SUSD4: variants seen among roughly 807,000 people sequenced by gnomAD.
SUSD4 encodes sushi domain containing 4.
SUSD4 carries 41 observed loss-of-function variants against 50.5 expected under a neutral mutation model. The ratio of observed to expected loss-of-function variants is 0.81; its 90% CI spans 0.63 to 1.05. The LOEUF is 1.05. Among genes scored for constraint, SUSD4 ranks in the 50% least tolerant of loss-of-function variants. The pLI is 0.00. For synonymous variants in SUSD4, 257 were observed against 257.3 expected (o/e 1.00, Z 0.01); for missense variants, 580 against 634.7 (o/e 0.91, Z 0.93).
At chr1:223,280,953 A>G (rs1279948258) in intron 3 of SUSD4, among the ~76,000 whole-genome samples, 3 of 152,228 alleles carry the variant, frequency 2.0e-5, no homozygotes, top group Non-Finnish European at 4.4e-5. Context: ...CTGCTCAACT[A>G]CATGGAAACT....
At chr1:223,356,809 A>C (rs1182938375) in intron 2 of SUSD4, among the ~76,000 whole-genome samples, 3 of 152,242 alleles carry the variant, frequency 2.0e-5, no homozygotes, top group Non-Finnish European at 4.4e-5. Flanking sequence ...AACAACAAAA[A>C]AAGGCAGAAA....
chr1:223,352,485 C>G (rs1041751107), intron 2 of SUSD4, among the ~76,000 whole-genome samples: 5 of 152,208 alleles, frequency 3.3e-5, no homozygotes, highest in African/African-American at 1.2e-4. Flanking sequence ...AAATCAGGCC[C>G]TGGCATTCCA....
At chr1:223,341,914 T>C (rs183959296) in intron 2 of SUSD4, among the ~76,000 whole-genome samples, 7 of 152,134 alleles carry the variant, frequency 4.6e-5, no homozygotes, top group Admixed American at 3.9e-4. Context: ...GTTAAGTAAC[T>C]TCTCGGGGCC....
At chr1:223,291,366 G>A (rs1664476860) in intron 3 of SUSD4, among the ~76,000 whole-genome samples, 2 of 151,660 alleles carry the variant, frequency 1.3e-5, no homozygotes, top group South Asian at 2.1e-4. Flanking sequence ...GGTGGCGAAC[G>A]CAGGTAGTCC....
chr1:223,331,825 G>C (rs148972327), intron 2 of SUSD4, among the ~76,000 whole-genome samples: 1 of 152,174 alleles, frequency 6.6e-6, no homozygotes, highest in Non-Finnish European at 1.5e-5. Flanking sequence ...TAAGGAAGAC[G>C]TGTGTTCTCC....
intron 2 of SUSD4, among the ~76,000 whole-genome samples, chr1:223,311,200 C>T (rs1408740892): frequency 6.6e-6 from 1 of 152,234 alleles, no homozygotes; most frequent in Non-Finnish European, 1.5e-5. Flanking sequence ...TGAACCATTA[C>T]ATCCTATCTG....
At chr1:223,256,815 T>C (rs1413381120) in intron 5 of SUSD4, among the ~76,000 whole-genome samples, 1 of 152,194 alleles carries the variant, frequency 6.6e-6, no homozygotes, top group Admixed American at 6.5e-5. Flanking sequence ...GCAGGTAGTC[T>C]GGGTCTTAGA....
chr1:223,281,603 A>G (rs1451162550), intron 3 of SUSD4, among the ~76,000 whole-genome samples: 1 of 152,234 alleles, frequency 6.6e-6, no homozygotes, highest in African/African-American at 2.4e-5. Context: ...TTAATAGCCT[A>G]CCAACCAAAA....
At chr1:223,316,380 G>A (rs1666190672) in intron 2 of SUSD4, among the ~76,000 whole-genome samples, 1 of 152,130 alleles carries the variant, frequency 6.6e-6, no homozygotes, top group Non-Finnish European at 1.5e-5. Flanking sequence ...ATGGCTTACA[G>A]GGTTATCGCT....
intron 5 of SUSD4, among the ~76,000 whole-genome samples, chr1:223,256,426 T>C (rs1183072312): frequency 6.6e-6 from 1 of 152,182 alleles, no homozygotes; most frequent in African/African-American, 2.4e-5. Context: ...GTCTAGAGGC[T>C]GACTAAAGAT....
Position 223,223,482 on chromosome 1 carries a change from A to G in SUSD4, c.1211T>C (p.Leu404Ser). ...TGGGGGGCTCTGGTCGTCCACGGGT[A>G]AGGGGCAGCCCTGGCCCACAGAGGC... is the stretch of plus-strand genomic sequence containing the variant. ...YMASVGQGCP[L>S]PVDDQSPPAY... Residue 404 changes from leucine (L) to serine (S), a missense_variant, in exon 8 of 9, where the codon TTA becomes TCA. By Grantham distance (145) the Leu-to-Ser change is moderately radical (BLOSUM62 -2). Coordinates refer to ENST00000366878, the MANE Select transcript of SUSD4 (RefSeq NM_017982.4). The G allele has an allele frequency of 6.2e-7, 1 of 1,613,762 alleles. No individual in the cohort carries two copies. Among genetic ancestry groups the G allele is most frequent in the Non-Finnish European group, 8.5e-7 (1 of 1,179,896 alleles).
In SUSD4 at chr1:223,317,834, CTTTTTTTTTTTTTT is replaced by C. The variant is rs1235672082; in HGVS notation, c.149-25197_149-25184del. 5.1e-3 allele frequency among the ~76,000 whole-genome samples: 408 copies of C among 80,174 alleles called. 1 individual carries two copies. The highest frequency in any genetic ancestry group is 0.02 in the African/African-American group (384 of 19,276). The allele number at this position is 80,174 out of a possible 152,430, so 52.6% of individuals were successfully genotyped here. The stretch of plus-strand genomic sequence containing the variant: ...TGGGAGCTCGTCAATGCTTGCCCTT[CTTTTTTTTTTTTTT>C]TTCTTTTTTTTTTTTTTTTTTATTA... On this transcript the variant is annotated intron_variant, in intron 2 of 8. Transcript: ENST00000366878.
At chr1:223,262,465 T>C (rs566829905) in intron 5 of SUSD4, among the ~76,000 whole-genome samples, 5 of 152,338 alleles carry the variant, frequency 3.3e-5, no homozygotes, top group Admixed American at 3.3e-4. Flanking sequence ...TTCGTCTATG[T>C]TGAATACCCT....
At chr1:223,316,216 C>A (rs763588471) in intron 2 of SUSD4, among the ~76,000 whole-genome samples, 3 of 152,076 alleles carry the variant, frequency 2.0e-5, no homozygotes, top group Non-Finnish European at 4.4e-5. Context: ...AAGGTAGGGG[C>A]ATGGGGATGG....
chr1:223,314,150 G>A (rs977663071), intron 2 of SUSD4, among the ~76,000 whole-genome samples: 1 of 152,106 alleles, frequency 6.6e-6, no homozygotes, highest in African/African-American at 2.4e-5. Flanking sequence ...ATCCTCTCTT[G>A]GGGTCCGGAT....
chr1:223,253,441 C>A (rs948087064), intron 5 of SUSD4, among the ~76,000 whole-genome samples: 4 of 151,848 alleles, frequency 2.6e-5, no homozygotes, highest in African/African-American at 9.7e-5. Context: ...AAAGGTATGA[C>A]TATTTTACCC....
At chr1:223,251,970 C>T (rs373410657) in intron 5 of SUSD4, among the ~76,000 whole-genome samples, 1 of 147,828 alleles carries the variant, frequency 6.8e-6, no homozygotes, top group Non-Finnish European at 1.5e-5. Flanking sequence ...ATTGCAAGGA[C>T]AAAAAACCAA....
intron 2 of SUSD4, among the ~76,000 whole-genome samples, chr1:223,326,852 T>C (rs960279665): frequency 2.0e-5 from 3 of 152,074 alleles, no homozygotes; most frequent in Non-Finnish European, 4.4e-5. Context: ...ACAATTGATG[T>C]TGGTATGGAT....
chr1:223,239,472 C>T (rs563641440), intron 5 of SUSD4, among the ~76,000 whole-genome samples: 1 of 152,116 alleles, frequency 6.6e-6, no homozygotes, highest in African/African-American at 2.4e-5. Flanking sequence ...TTTAATTGAG[C>T]ATTTTATCTG....
Sources: allele counts gnomAD v4.1 joint callset (sites outside exome capture counted in the v4.1 genomes callset), GRCh38; gene constraint gnomAD v4.1.1; transcripts MANE v1.5; gene names NCBI Gene and HGNC (gene_info 2026-07-23, HGNC 2026-07-21).